The following ABCC1 variants were observed in gnomAD, a reference collection of about 807,000 sequenced individuals.
ABCC1 encodes the protein multidrug resistance-associated protein 1.
In ABCC1, 83 loss-of-function variants were observed where a neutral mutation model predicts 172.9. The ratio of observed to expected loss-of-function variants is 0.48; its 90% CI spans 0.40 to 0.58. The LOEUF (loss-of-function observed/expected upper bound fraction) is 0.58, where lower values mean the gene tolerates loss of function less well. Among genes scored for constraint, ABCC1 ranks in the 20% least tolerant of loss-of-function variants. ABCC1 has a pLI of 0.00. For missense variants in ABCC1, 1,817 were observed against 2,002.7 expected (o/e 0.91, Z 1.77); for synonymous variants, 937 against 825.2 (o/e 1.14, Z -2.32).
chr16:15,988,699 C>A (rs1473817591), intron 1 of ABCC1, among the ~76,000 whole-genome samples: 1 of 152,124 alleles, frequency 6.6e-6, no homozygotes, highest in Admixed American at 6.6e-5. Flanking sequence ...GAACAAGATG[C>A]TTGCTGCTGA....
chr16:16,101,242 C>T (rs916402603), intron 19 of ABCC1, among the ~76,000 whole-genome samples: 1 of 152,028 alleles, frequency 6.6e-6, no homozygotes, highest in African/African-American at 2.4e-5. Context: ...CCATGTTGGC[C>T]AGGCTGGTCT....
rs140046543 is a variant in ABCC1, at chr16:16,042,325, G to A, written c.810-2125G>A. On this transcript the variant is annotated intron_variant, in intron 7 of 30. Transcript: ENST00000399410. ...TACTTTGTGATAACCCAAACTGGAGGTAAGCCAGACATCTATTAGCAAGTG... is the reference window on the plus strand; with the variant it reads ...TACTTTGTGATAACCCAAACTGGAGATAAGCCAGACATCTATTAGCAAGTG... Among the ~76,000 whole-genome samples, 9 of 152,208 alleles carry A rather than the reference G, an allele frequency of 5.9e-5. No homozygotes were observed. In the East Asian group the frequency reaches 9.7e-4, roughly 16 times the overall value.
rs189530194 is a variant in ABCC1 at position 15,999,994 on chromosome 16, A to G, written c.49-7822A>G. ...CTCAGCCTCCCGAGTAGCTGGGACTACAGGTGCATGCCACCATGCCTGGCT... is the reference window on the plus strand; with the variant it reads ...CTCAGCCTCCCGAGTAGCTGGGACTGCAGGTGCATGCCACCATGCCTGGCT... On this transcript the variant is annotated intron_variant, in intron 1 of 30. Coordinates refer to ENST00000399410, the MANE Select transcript of ABCC1 (RefSeq NM_004996.4). Among the ~76,000 whole-genome samples the G allele has an allele frequency of 5.6e-3, 835 of 149,980 alleles. 9 individuals carry two copies. The highest frequency in any genetic ancestry group is 0.019 in the African/African-American group (800 of 41,110).
At chr16:16,029,101 G>A (rs918122980) in intron 5 of ABCC1, among the ~76,000 whole-genome samples, 1 of 152,210 alleles carries the variant, frequency 6.6e-6, no homozygotes, top group African/African-American at 2.4e-5. Context: ...GCCCCAGAGC[G>A]GAGCCTGATC....
At chr16:16,120,850 G>A (rs2152111130) in intron 23 of ABCC1, among the ~76,000 whole-genome samples, 1 of 152,156 alleles carries the variant, frequency 6.6e-6, no homozygotes, top group East Asian at 1.9e-4. Flanking sequence ...CATCTCAGCT[G>A]GGCTGAGTGT....
rs529390281 is a variant in ABCC1 at position 15,987,715 on chromosome 16, A to G, written c.49-20101A>G. 5.3e-5 allele frequency among the ~76,000 whole-genome samples: 8 copies of G among 152,340 alleles called. No individual in the cohort carries two copies. The East Asian group carries it at 1.5e-3, about 29-fold the overall frequency. ...CATGCTCCTCAGGTCACCCTGCGTGAAAGTCAGAATCCCTGCGGTGGCCTG... is the reference window on the plus strand; with the variant it reads ...CATGCTCCTCAGGTCACCCTGCGTGGAAGTCAGAATCCCTGCGGTGGCCTG... On this transcript the variant is annotated intron_variant, in intron 1 of 30. Transcript: ENST00000399410.
intron 1 of ABCC1, among the ~76,000 whole-genome samples, chr16:15,965,354 C>T (rs1356007163): frequency 4.0e-5 from 6 of 151,596 alleles, no homozygotes; most frequent in African/African-American, 7.3e-5. Context: ...TGCAGTGGTG[C>T]GACCTTGGCT....
At chr16:15,963,910 G>T (rs2046191058) in intron 1 of ABCC1, among the ~76,000 whole-genome samples, 1 of 151,638 alleles carries the variant, frequency 6.6e-6, no homozygotes, top group Non-Finnish European at 1.5e-5. Context: ...CAGAAAATGG[G>T]TTTTTCTTTT....
chr16:15,960,293 A>G (rs1461235918), intron 1 of ABCC1, among the ~76,000 whole-genome samples: 1 of 151,808 alleles, frequency 6.6e-6, no homozygotes, highest in African/African-American at 2.4e-5. Context: ...TATGTTGCCC[A>G]GTTTGGTCTT....
At chr16:15,978,632 T>C (rs1045191587) in intron 1 of ABCC1, among the ~76,000 whole-genome samples, 6 of 152,156 alleles carry the variant, frequency 3.9e-5, no homozygotes, top group Non-Finnish European at 5.9e-5. Context: ...CAAGTCCTGA[T>C]ACAAGCAAAG....
intron 1 of ABCC1, among the ~76,000 whole-genome samples, chr16:15,992,790 A>G (rs978516555): frequency 1.3e-5 from 2 of 152,156 alleles, no homozygotes; most frequent in Admixed American, 6.5e-5. Flanking sequence ...AGAACAAAAA[A>G]TCCATGCTCT....
At chr16:16,082,796 C>T (rs2050855933) in intron 16 of ABCC1, among the ~76,000 whole-genome samples, 1 of 152,156 alleles carries the variant, frequency 6.6e-6, no homozygotes, top group Non-Finnish European at 1.5e-5. Flanking sequence ...TACAGATGCA[C>T]AGCGCCATGC....
chr16:15,990,958 C>T (rs777384059), intron 1 of ABCC1, among the ~76,000 whole-genome samples: 21 of 152,008 alleles, frequency 1.4e-4, no homozygotes, highest in Admixed American at 8.5e-4. Flanking sequence ...CGACTGCGCC[C>T]GGCCAGGATT....
chr16:15,949,697 G>C lies in ABCC1; in HGVS notation c.-55G>C. On this transcript the variant is annotated 5_prime_UTR_variant, in exon 1 of 31. Coordinates refer to ENST00000399410, the MANE Select transcript of ABCC1 (RefSeq NM_004996.4). ...CCGGTGCCCGCCGCCGCCCGCGCCA[G>C]CAACCGGGCCCGATCACCCGCCGCC... 3 of 1,038,162 alleles carry C rather than the reference G, an allele frequency of 2.9e-6. No individual in the cohort carries two copies. Among genetic ancestry groups the C allele is most frequent in the Non-Finnish European group, 3.5e-6 (3 of 863,330 alleles). 64.3% of individuals were successfully genotyped at this position (1,038,162 alleles called of 1,614,324 possible).
chr16:16,124,667 C>T, intron 24 of ABCC1, 122 bp from the exon 25 acceptor site: 1 of 1,417,520 alleles, frequency 7.1e-7, no homozygotes. Context: ...AGGACTCTCT[C>T]TGGAATTACT....
At chr16:16,139,054 C>T (rs906249296) in intron 30 of ABCC1, among the ~76,000 whole-genome samples, 20 of 152,178 alleles carry the variant, frequency 1.3e-4, no homozygotes, top group African/African-American at 7.2e-5. Flanking sequence ...TTCACGTCAG[C>T]GCACCTGCGG....
intron 3 of ABCC1, among the ~76,000 whole-genome samples, chr16:16,013,578 C>G (rs1206203093): frequency 6.6e-6 from 1 of 151,266 alleles, no homozygotes; most frequent in Non-Finnish European, 1.5e-5. Context: ...TTTTTTTTAT[C>G]CCTACTCTGT....
chr16:15,963,675 G>A (rs2046185882), intron 1 of ABCC1, among the ~76,000 whole-genome samples: 1 of 152,168 alleles, frequency 6.6e-6, no homozygotes, highest in South Asian at 2.1e-4. Context: ...GTGTACCTTG[G>A]CTCCTCTTAG....
At chr16:15,973,268 A>G (rs1182578770) in intron 1 of ABCC1, among the ~76,000 whole-genome samples, 3 of 152,178 alleles carry the variant, frequency 2.0e-5, no homozygotes, top group Non-Finnish European at 2.9e-5. Context: ...TATTCTTTAA[A>G]TCGCCTATTA....
Sources: allele counts gnomAD v4.1 joint callset (sites outside exome capture counted in the v4.1 genomes callset), GRCh38; gene constraint gnomAD v4.1.1; transcripts MANE v1.5; gene names NCBI Gene and HGNC (gene_info 2026-07-23, HGNC 2026-07-21).